The following RAD51B variants were observed in gnomAD, a reference collection of about 807,000 sequenced individuals.
RAD51B encodes RAD51 paralog B.
Under a neutral mutation model 42.2 loss-of-function variants are expected in RAD51B, and 38 were observed. The ratio of observed to expected loss-of-function variants is 0.90; its 90% CI spans 0.70 to 1.18. The LOEUF is 1.18. Among genes scored for constraint, RAD51B ranks in the 50% most tolerant of loss-of-function variants. The pLI, the probability that RAD51B is intolerant of heterozygous loss-of-function variation, is 0.00. For synonymous variants in RAD51B, 154 were observed against 145.2 expected (o/e 1.06, Z -0.43); for missense variants, 373 against 400.7 (o/e 0.93, Z 0.59).
chr14:68,350,049 T>G (rs2082753379), intron 8 of RAD51B, among the ~76,000 whole-genome samples: 1 of 152,210 alleles, frequency 6.6e-6, no homozygotes, highest in Non-Finnish European at 1.5e-5. Context: ...TATCCAGGCT[T>G]GAAACTCAGC....
At chr14:67,834,584 C>A (rs2041167284) in intron 3 of RAD51B, among the ~76,000 whole-genome samples, 1 of 152,110 alleles carries the variant, frequency 6.6e-6, no homozygotes, top group Admixed American at 6.6e-5. Context: ...ATCTTTCAAC[C>A]ATTCTAAATG....
chr14:68,139,769 G>A (rs1185344488), intron 7 of RAD51B, among the ~76,000 whole-genome samples: 4 of 152,232 alleles, frequency 2.6e-5, no homozygotes, highest in African/African-American at 9.6e-5. Flanking sequence ...TCATAAAAGT[G>A]TACAATTGGC....
chr14:68,146,189 C>G (rs1480788730), intron 7 of RAD51B, among the ~76,000 whole-genome samples: 1 of 152,118 alleles, frequency 6.6e-6, no homozygotes, highest in Non-Finnish European at 1.5e-5. Flanking sequence ...GTGGCACATG[C>G]CTATAATCCT....
In RAD51B at chr14:68,535,689, A is replaced by G. The variant is rs1398292757; in HGVS notation, c.1037-58796A>G. ...AACAGCTCATACTATGAAGTGGAAA[A>G]GTAAAGGAACATTCCAACATTTCAG... is the stretch of plus-strand genomic sequence containing the variant. On this transcript the variant is annotated intron_variant, in intron 10 of 10. Coordinates refer to the RAD51B transcript ENST00000487270. 4.6e-5 allele frequency among the ~76,000 whole-genome samples: 7 copies of G among 152,214 alleles called. 1 individual carries two copies. In the South Asian group the frequency reaches 1.2e-3, roughly 27 times the overall value.
At chr14:67,969,993 A>G (rs965063739) in intron 7 of RAD51B, among the ~76,000 whole-genome samples, 4 of 152,200 alleles carry the variant, frequency 2.6e-5, no homozygotes, top group African/African-American at 7.2e-5. Context: ...TCAGATATTT[A>G]AGAGGTACCA....
chr14:68,061,053 CTTTTTTTTTTTTTT>C (rs755916680), intron 7 of RAD51B, among the ~76,000 whole-genome samples: 1,554 of 101,350 alleles, frequency 0.015, 57 homozygotes, highest in African/African-American at 0.054. Flanking sequence ...TATTTGAGGT[CTTTTTTTTTTTTTT>C]TTTTTTTTTC....
chr14:68,245,376 G>A (rs2080474370), intron 7 of RAD51B, among the ~76,000 whole-genome samples: 1 of 152,100 alleles, frequency 6.6e-6, no homozygotes, highest in African/African-American at 2.4e-5. Context: ...GCCTTATGTC[G>A]GGGCCCTGGG....
In RAD51B at chr14:68,611,043, A is replaced by G. The variant is rs899761850; in HGVS notation, c.1074A>G (p.Glu358=). ...TGGCCAGAGTCAGCCCCAGGTCAGA[A>G]TGCTGGTCAGCAGCAGACTCACATC... Residue 358 remains glutamate, a synonymous_variant, in exon 11 of 11, where the codon GAA becomes GAG. Coordinates refer to the RAD51B transcript ENST00000487861. 9 of 703,058 alleles carry G rather than the reference A, an allele frequency of 1.3e-5. No individual in the cohort carries two copies. The African/African-American group carries it at 1.4e-4, about 11-fold the overall frequency. The allele number at this position is 703,058 out of a possible 1,614,324, so 43.6% of individuals were successfully genotyped here. A position where few individuals can be genotyped will look rare whatever the true frequency, so the allele number is the denominator to read the frequency against.
intron 8 of RAD51B, among the ~76,000 whole-genome samples, chr14:68,381,484 G>A (rs1265909946): frequency 1.3e-5 from 2 of 152,068 alleles, no homozygotes; most frequent in South Asian, 2.1e-4. Context: ...GACCATCCTG[G>A]CCAACATGGT....
chr14:68,008,495 A>G (rs1346355687), intron 7 of RAD51B, among the ~76,000 whole-genome samples: 1 of 152,000 alleles, frequency 6.6e-6, no homozygotes, highest in Admixed American at 6.6e-5. Context: ...GGTGTAATTA[A>G]GGTTGATATT....
chr14:68,576,376 G>T (rs1889962891), intron 10 of RAD51B, among the ~76,000 whole-genome samples: 1 of 152,194 alleles, frequency 6.6e-6, no homozygotes. Context: ...GATTAGGATT[G>T]TTACCATTGC....
At chr14:68,062,396 A>G (rs2076581343) in intron 7 of RAD51B, among the ~76,000 whole-genome samples, 1 of 152,086 alleles carries the variant, frequency 6.6e-6, no homozygotes, top group Admixed American at 6.6e-5. Context: ...TATCAGGGTA[A>G]TGCTGGACTT....
chr14:68,606,675 C>T (rs12896969), intron 10 of RAD51B, among the ~76,000 whole-genome samples: 40,907 of 152,070 alleles, frequency 0.27, 6,631 homozygotes, highest in Non-Finnish European at 0.36. Context: ...GGGAGCCAAT[C>T]TGTTTAACCT....
Position 67,890,006 on chromosome 14 carries a change from T to C in RAD51B, c.756+2802T>C, listed in dbSNP as rs76007761. 4.5e-4 allele frequency among the ~76,000 whole-genome samples: 69 copies of C among 152,284 alleles called. 1 individual carries two copies. The East Asian group carries it at 9.1e-3, about 20-fold the overall frequency. ...GATGGAAGATGCGGAACCTTTGTCTTTTTAAAGTGTTCACACTAGTATTGA... is the reference window on the plus strand; with the variant it reads ...GATGGAAGATGCGGAACCTTTGTCTCTTTAAAGTGTTCACACTAGTATTGA... On this transcript the variant is annotated intron_variant, in intron 7 of 10. Transcript: ENST00000471583.
At chr14:68,479,391 CT>C (rs1437459001), downstream of RAD51B, among the ~76,000 whole-genome samples, 15 of 152,132 alleles carry the variant, frequency 9.9e-5, no homozygotes, top group Non-Finnish European at 2.1e-4. Context: ...TCACCTTCCC[CT>C]CACCCCTCCT....
At position 68,096,822 on chromosome 14, in the gene RAD51B, C is replaced by G. The variant is rs1416998659; in HGVS notation, c.757-195062C>G. 4.1e-5 allele frequency among the ~76,000 whole-genome samples: 6 copies of G among 145,656 alleles called. No individual in the cohort carries two copies. The East Asian group carries it at 1.0e-3, about 24-fold the overall frequency. ...ATAAATGATATGTGTGTGTGTGTGC[C>G]AGTCTTACTCCTGGCATTATTTTCT... is the stretch of plus-strand genomic sequence containing the variant. On this transcript the variant is annotated intron_variant, in intron 7 of 10. Coordinates refer to ENST00000471583, the MANE Select transcript of RAD51B (RefSeq NM_133510.4).
At chr14:68,474,075 A>G (rs1159019182) in intron 10 of RAD51B, among the ~76,000 whole-genome samples, 1 of 152,226 alleles carries the variant, frequency 6.6e-6, no homozygotes, top group Non-Finnish European at 1.5e-5. Context: ...ATCCACATCC[A>G]TTCAGTGTGT....
chr14:67,971,857 A>G (rs926292151), intron 7 of RAD51B, among the ~76,000 whole-genome samples: 2 of 151,876 alleles, frequency 1.3e-5, no homozygotes, highest in African/African-American at 4.8e-5. Context: ...GATAATGGCT[A>G]TATAATTTTA....
intron 7 of RAD51B, among the ~76,000 whole-genome samples, chr14:67,976,687 A>G (rs1277506384): frequency 1.3e-5 from 2 of 152,192 alleles, no homozygotes; most frequent in East Asian, 3.9e-4. Context: ...ACCAAAAGCA[A>G]TGGCAACAAA....
Sources: allele counts gnomAD v4.1 joint callset (sites outside exome capture counted in the v4.1 genomes callset), GRCh38; gene constraint gnomAD v4.1.1; transcripts MANE v1.5; gene names NCBI Gene and HGNC (gene_info 2026-07-23, HGNC 2026-07-21).